The following BCL7B variants were observed in gnomAD, a reference collection of about 807,000 sequenced individuals.
The protein encoded by BCL7B is B-cell CLL/lymphoma 7 protein family member B.
In BCL7B, 11 loss-of-function variants were observed where a neutral mutation model predicts 26.5. The observed-to-expected ratio is 0.42, with a 90% CI of 0.26 to 0.69. The LOEUF is 0.69. Ranked by LOEUF, BCL7B falls within the 30% of genes least tolerant of loss-of-function variation. The probability of loss-of-function intolerance (pLI) is 0.28; values close to 1 mark genes in which losing one functional copy is unlikely to be tolerated. For synonymous variants in BCL7B, 111 were observed against 107.9 expected (o/e 1.03, Z -0.18); for missense variants, 215 against 264.4 (o/e 0.81, Z 1.30).
rs148239871 is a variant in BCL7B at position 73,557,531 on chromosome 7, G to A, written c.48C>T (p.Asp16=). 110 of 1,445,254 alleles carry A rather than the reference G, an allele frequency of 7.6e-5. No homozygotes were observed. The highest frequency in any genetic ancestry group is 9.5e-5 in the Non-Finnish European group (103 of 1,089,096). The allele number at this position is 1,445,254 out of a possible 1,614,324, so 89.5% of individuals were successfully genotyped here. A position where few individuals can be genotyped will look rare whatever the true frequency, so the allele number is the denominator to read the frequency against. The change falls in exon 1 of 6, where the codon GAC becomes GAT. Residue 16 remains aspartate, a synonymous_variant. Coordinates refer to ENST00000223368, the MANE Select transcript of BCL7B (RefSeq NM_001707.4). ...VRAETRSRAK[D]DIKKVMAAIE... is the part of the protein sequence containing the mutation. ...TGGCCGCCATCACCTTCTTGATGTC[G>A]TCCTTGGCCCGGCTGCGGGTCTCCG... is the stretch of plus-strand genomic sequence containing the variant.
At chr7:73,551,296 T>A (rs1792160057) in intron 2 of BCL7B, among the ~76,000 whole-genome samples, 1 of 152,138 alleles carries the variant, frequency 6.6e-6, no homozygotes, top group South Asian at 2.1e-4. Context: ...GTTTGGTTTT[T>A]TTTGTTTGTT....
At chr7:73,555,239 TC>T in intron 1 of BCL7B, among the ~76,000 whole-genome samples, 1 of 151,904 alleles carries the variant, frequency 6.6e-6, no homozygotes, top group South Asian at 2.1e-4. Flanking sequence ...AAACCCGGTC[TC>T]CACAAAAATA....
At chr7:73,555,333 C>CA (rs1249164196) in intron 1 of BCL7B, among the ~76,000 whole-genome samples, 1 of 148,492 alleles carries the variant, frequency 6.7e-6, no homozygotes, top group Non-Finnish European at 1.5e-5. Flanking sequence ...ACCCGGGAAG[C>CA]AGAGGTTGCC....
intron 1 of BCL7B, among the ~76,000 whole-genome samples, chr7:73,555,251 C>A (rs2115833482): frequency 6.6e-6 from 1 of 151,920 alleles, no homozygotes; most frequent in South Asian, 2.1e-4. Flanking sequence ...CACAAAAATA[C>A]AAAAAATTAG....
In BCL7B at chr7:73,537,261, T is replaced by C; in HGVS notation, c.*37A>G. 1 of 1,605,544 alleles carries C rather than the reference T, an allele frequency of 6.2e-7. No homozygotes were observed. Among genetic ancestry groups the C allele is most frequent in the Non-Finnish European group, 8.5e-7 (1 of 1,172,960 alleles). ...GCGGCCAGAACCAGAATGCAATAAA[T>C]AGAGGCAGGGCCAGGAGGCGGAGGG... On this transcript the variant is annotated 3_prime_UTR_variant, in exon 6 of 6. Coordinates refer to ENST00000223368, the MANE Select transcript of BCL7B (RefSeq NM_001707.4).
chr7:73,552,482 T>TAA (rs1169649742), intron 1 of BCL7B, among the ~76,000 whole-genome samples: 9 of 143,492 alleles, frequency 6.3e-5, no homozygotes, highest in African/African-American at 2.4e-4. Context: ...ACCTCATCTC[T>TAA]AAAAAAAAAA....
chr7:73,554,496 A>G (rs1554584513), intron 1 of BCL7B, among the ~76,000 whole-genome samples: 1 of 152,082 alleles, frequency 6.6e-6, no homozygotes, highest in African/African-American at 2.4e-5. Context: ...GATGCTGTTC[A>G]GCAAATGATG....
chr7:73,537,964 G>A lies in BCL7B; in HGVS notation c.486C>T (p.Thr162=), dbSNP rs1554582356. 1.2e-6 allele frequency: 2 copies of A among 1,603,182 alleles called. No individual in the cohort carries two copies. Among genetic ancestry groups the A allele is most frequent in the Admixed American group, 1.7e-5 (1 of 57,800 alleles). Residue 162 remains threonine (T), a synonymous_variant, in exon 5 of 6, where the codon ACC becomes ACT. Coordinates refer to ENST00000223368, the MANE Select transcript of BCL7B (RefSeq NM_001707.4). The part of the protein sequence containing the change: ...SEVADEPPTL[T]KEEPVPLETQ... Reference sequence around the variant, plus strand: ...TCTCTAGTGGAACTGGTTCTTCCTTGGTGAGGGTAGGAGGTTCATCAGCAA... The same window carrying A: ...TCTCTAGTGGAACTGGTTCTTCCTTAGTGAGGGTAGGAGGTTCATCAGCAA...
At chr7:73,557,427 C>A (rs1554584873) in intron 1 of BCL7B, 60 bp downstream of exon 1, 2 of 1,247,730 alleles carry the variant, frequency 1.6e-6, no homozygotes, top group African/African-American at 3.2e-5. Flanking sequence ...CCGCCAGTCC[C>A]ACGCTCCTCA....
intron 3 of BCL7B, among the ~76,000 whole-genome samples, chr7:73,541,425 C>T (rs536164391): frequency 2.6e-5 from 4 of 151,914 alleles, no homozygotes; most frequent in Non-Finnish European, 5.9e-5. Context: ...AACCCTTCGA[C>T]GCTCCACTGC....
chr7:73,545,853 C>T (rs1014531876), intron 2 of BCL7B, among the ~76,000 whole-genome samples: 18 of 152,030 alleles, frequency 1.2e-4, no homozygotes, highest in Non-Finnish European at 1.9e-4. Context: ...GAAAACTGGC[C>T]GGGCGCGGTG....
intron 3 of BCL7B, chr7:73,542,865 A>C (rs1156425419): frequency 4.4e-6 from 2 of 450,578 alleles, no homozygotes; most frequent in Non-Finnish European, 8.9e-6. Flanking sequence ...GCTTGAGGCC[A>C]GGAGTTCACA....
At chr7:73,557,412 C>A in intron 1 of BCL7B, 75 bp downstream of exon 1, 5 of 1,214,314 alleles carry the variant, frequency 4.1e-6, no homozygotes, top group Non-Finnish European at 5.2e-6. Flanking sequence ...CGGCTCCCAC[C>A]TGACCCGCCA....
At chr7:73,544,513 C>T (rs1338685372) in intron 2 of BCL7B, among the ~76,000 whole-genome samples, 1 of 152,070 alleles carries the variant, frequency 6.6e-6, no homozygotes, top group Non-Finnish European at 1.5e-5. Context: ...GTAATCCCAG[C>T]TACTCTGGAG....
chr7:73,540,195 G>A (rs546598809), intron 3 of BCL7B, 143 bp from the exon 4 acceptor site: 9 of 858,526 alleles, frequency 1.0e-5, no homozygotes, highest in Non-Finnish European at 1.2e-5. Flanking sequence ...CGGCCTACAC[G>A]ACATAGATTC....
intron 1 of BCL7B, chr7:73,557,251 C>T (rs538459725): frequency 1.8e-6 from 2 of 1,107,782 alleles, no homozygotes; most frequent in South Asian, 4.5e-5. Flanking sequence ...TCCCAGGCGG[C>T]GCGCGGCAGC....
In BCL7B at chr7:73,557,647, C is replaced by G; in HGVS notation, c.-69G>C. Reference sequence around the variant, plus strand: ...CACCGGGGATCGCGCGCCTCACGCGCCGCCGCCCGCCCGCCGCCGCCGCAG... The same window carrying G: ...CACCGGGGATCGCGCGCCTCACGCGGCGCCGCCCGCCCGCCGCCGCCGCAG... On this transcript the variant is annotated 5_prime_UTR_variant, in exon 1 of 6. Coordinates refer to ENST00000223368, the MANE Select transcript of BCL7B (RefSeq NM_001707.4). 10 of 961,830 alleles carry G rather than the reference C, an allele frequency of 1.0e-5. No individual in the cohort carries two copies. Among genetic ancestry groups the G allele is most frequent in the Non-Finnish European group, 1.3e-5 (10 of 769,902 alleles). The allele number at this position is 961,830 out of a possible 1,614,324, so 59.6% of individuals were successfully genotyped here. A position where few individuals can be genotyped will look rare whatever the true frequency, so the allele number is the denominator to read the frequency against.
intron 3 of BCL7B, among the ~76,000 whole-genome samples, chr7:73,542,128 C>A (rs1004621985): frequency 2.6e-5 from 4 of 152,236 alleles, no homozygotes; most frequent in Non-Finnish European, 4.4e-5. Context: ...TCCCATGAGC[C>A]TCTGTGGACA....
intron 3 of BCL7B, 24 bp from the exon 4 acceptor site, chr7:73,540,076 C>T (rs2115741075): frequency 6.2e-7 from 1 of 1,607,772 alleles, no homozygotes; most frequent in Admixed American, 1.7e-5. Context: ...AGAACAAAGG[C>T]AGCAGCTGAG....
Sources: gnomAD v4.1 joint callset for allele counts (sites outside exome capture counted in the v4.1 genomes callset) on GRCh38, gnomAD v4.1.1 for gene constraint, MANE v1.5 for transcripts, NCBI Gene and HGNC (gene_info 2026-07-23, HGNC 2026-07-21) for gene names.